CLCN3: variants seen among roughly 807,000 people sequenced by gnomAD.
The protein encoded by CLCN3 is Cl-/H+ antiporter 3, also known as H(+)/Cl(-) exchange transporter 3.
Under a neutral mutation model 83.4 loss-of-function variants are expected in CLCN3, and 16 were observed. That is an observed-to-expected ratio of 0.19 (90% CI 0.13 to 0.29). The LOEUF is 0.29. Ranked by LOEUF, CLCN3 falls within the 10% of genes least tolerant of loss-of-function variation. The probability of loss-of-function intolerance (pLI) is 1.00; values close to 1 mark genes in which losing one functional copy is unlikely to be tolerated. For missense variants in CLCN3, 544 were observed against 1,006.0 expected (o/e 0.54, Z 6.21); for synonymous variants, 322 against 346.2 (o/e 0.93, Z 0.78).
chr4:169,719,235 G>A (rs1386149063), intron 12 of CLCN3, among the ~76,000 whole-genome samples: 1 of 152,236 alleles, frequency 6.6e-6, no homozygotes, highest in African/African-American at 2.4e-5. Flanking sequence ...GGGAGGCCGG[G>A]ACGGGTGGAT....
Position 169,720,007 on chromosome 4 carries a change from A to T in CLCN3, c.*10A>T, listed in dbSNP as rs1733572702. The T allele has an allele frequency of 6.2e-7, 1 of 1,613,090 alleles. No individual in the cohort carries two copies. The highest frequency in any genetic ancestry group is 8.5e-7 in the Non-Finnish European group (1 of 1,179,162). On this transcript the variant is annotated 3_prime_UTR_variant, in exon 13 of 13. Coordinates refer to ENST00000513761, the MANE Select transcript of CLCN3 (RefSeq NM_001829.4). Reference sequence around the variant, plus strand: ...AATAATGTTCAACTGAATCTCACAGATGAGGAGAGAGAAGAAACGGAAGAG... The same window carrying T: ...AATAATGTTCAACTGAATCTCACAGTTGAGGAGAGAGAAGAAACGGAAGAG...
chr4:169,658,521 A>T (rs1008573748), intron 2 of CLCN3, among the ~76,000 whole-genome samples: 19 of 152,076 alleles, frequency 1.2e-4, no homozygotes, highest in African/African-American at 3.4e-4. Context: ...TCCTTTATAA[A>T]TGCCATACAA....
At chr4:169,693,938 A>G (rs1231042052) in intron 7 of CLCN3, among the ~76,000 whole-genome samples, 1 of 152,210 alleles carries the variant, frequency 6.6e-6, no homozygotes, top group East Asian at 1.9e-4. Flanking sequence ...TTTTGTGTAG[A>G]CAAGAGGGGA....
chr4:169,651,149 AATT>A (rs1730720779), intron 2 of CLCN3, among the ~76,000 whole-genome samples: 2 of 148,488 alleles, frequency 1.3e-5, no homozygotes, highest in African/African-American at 2.4e-5. Flanking sequence ...TTACCACCTT[AATT>A]ATTGTCATTG....
intron 3 of CLCN3, 39 bp downstream of exon 3, chr4:169,680,246 A>C (rs771508959): frequency 7.0e-7 from 1 of 1,426,646 alleles, no homozygotes; most frequent in Non-Finnish European, 9.7e-7. Flanking sequence ...AACATAGTGC[A>C]TAATTAGATC....
rs1200192466 is a variant in CLCN3 at position 169,720,021 on chromosome 4, G to T, written c.*24G>T. 6.2e-7 allele frequency: 1 copy of T among 1,613,474 alleles called. No individual in the cohort carries two copies. The highest frequency in any genetic ancestry group is 2.2e-5 in the East Asian group (1 of 44,874). ...GAATCTCACAGATGAGGAGAGAGAA[G>T]AAACGGAAGAGGAAGTTTATTTGTT... On this transcript the variant is annotated 3_prime_UTR_variant, in exon 13 of 13. Coordinates refer to ENST00000513761, the MANE Select transcript of CLCN3 (RefSeq NM_001829.4).
At chr4:169,710,931 C>T (rs1303444660) in intron 11 of CLCN3, among the ~76,000 whole-genome samples, 2 of 152,150 alleles carry the variant, frequency 1.3e-5, no homozygotes, top group African/African-American at 2.4e-5. Context: ...TGGGCTTCAG[C>T]AATCCCCTCC....
chr4:169,680,645 G>A (rs577935769), intron 3 of CLCN3: 125 of 153,046 alleles, frequency 8.2e-4, no homozygotes, highest in Non-Finnish European at 1.6e-3. Flanking sequence ...GTGGGATTTT[G>A]CTGTTTTCTT....
intron 2 of CLCN3, chr4:169,660,019 T>C (rs991823571): frequency 1.7e-5 from 17 of 990,242 alleles, no homozygotes; most frequent in Non-Finnish European, 1.7e-5. Context: ...TTACCACTGA[T>C]GCTACCGAAG....
At chr4:169,657,989 C>A (rs1730936382) in intron 2 of CLCN3, among the ~76,000 whole-genome samples, 1 of 152,102 alleles carries the variant, frequency 6.6e-6, no homozygotes, top group Admixed American at 6.6e-5. Flanking sequence ...AACCTGTGTA[C>A]TGATTCTTTT....
At chr4:169,671,687 G>C (rs1038540859) in intron 2 of CLCN3, among the ~76,000 whole-genome samples, 1 of 152,166 alleles carries the variant, frequency 6.6e-6, no homozygotes, top group East Asian at 1.9e-4. Context: ...ATCGAATCGT[G>C]TTCTCCATGC....
intron 3 of CLCN3, 26 bp downstream of exon 3, chr4:169,680,233 A>T: frequency 6.4e-7 from 1 of 1,555,440 alleles, no homozygotes; most frequent in Non-Finnish European, 8.8e-7. Flanking sequence ...AAAAATTTTT[A>T]AAAACATAGT....
At chr4:169,662,285 T>A (rs1560841982) in intron 2 of CLCN3, among the ~76,000 whole-genome samples, 1 of 152,202 alleles carries the variant, frequency 6.6e-6, no homozygotes, top group Non-Finnish European at 1.5e-5. Context: ...ATGAGACTTA[T>A]TCTATTAATA....
intron 1 of CLCN3, among the ~76,000 whole-genome samples, chr4:169,626,098 G>A (rs930963170): frequency 2.6e-5 from 4 of 152,194 alleles, no homozygotes; most frequent in African/African-American, 9.6e-5. Context: ...GATAACACTG[G>A]CTATAAATCA....
intron 1 of CLCN3, among the ~76,000 whole-genome samples, chr4:169,626,775 C>T (rs1026310187): frequency 2.0e-5 from 3 of 152,052 alleles, no homozygotes; most frequent in South Asian, 2.1e-4. Flanking sequence ...GCCAGGAGTT[C>T]GAGACCAGCC....
In CLCN3 at chr4:169,688,998, A is replaced by G. The variant is rs369061884; in HGVS notation, c.419-45A>G. On this transcript the variant is annotated intron_variant, in intron 4 of 12. Coordinates refer to ENST00000513761, the MANE Select transcript of CLCN3 (RefSeq NM_001829.4). Reference sequence around the variant, plus strand: ...TTAACTAGATTGTTCTCGACTCCCAAAAAATTGACTTAATTTTTTTACCAT... The same window carrying G: ...TTAACTAGATTGTTCTCGACTCCCAGAAAATTGACTTAATTTTTTTACCAT... 1.8e-3 allele frequency: 2,918 copies of G among 1,586,528 alleles called. 6 individuals carry two copies. The highest frequency in any genetic ancestry group is 2.2e-3 in the Non-Finnish European group (2,510 of 1,165,834).
intron 1 of CLCN3, among the ~76,000 whole-genome samples, chr4:169,627,906 TG>T (rs1439086346): frequency 1.3e-5 from 2 of 152,250 alleles, no homozygotes; most frequent in East Asian, 3.8e-4. Flanking sequence ...AGACTTATTA[TG>T]TAGTTACAGT....
chr4:169,717,011 G>A (rs1733446103), intron 12 of CLCN3, among the ~76,000 whole-genome samples: 1 of 152,014 alleles, frequency 6.6e-6, no homozygotes, highest in Non-Finnish European at 1.5e-5. Flanking sequence ...TATAAAACCA[G>A]TAACCATAGT....
chr4:169,636,225 T>G, intron 2 of CLCN3, 137 bp downstream of exon 2: 1 of 756,548 alleles, frequency 1.3e-6, no homozygotes, highest in Non-Finnish European at 2.1e-6. Flanking sequence ...ACTTAACCAT[T>G]GTAAAGTGTG....
Sources: allele counts gnomAD v4.1 joint callset (sites outside exome capture counted in the v4.1 genomes callset), GRCh38; gene constraint gnomAD v4.1.1; transcripts MANE v1.5; gene names NCBI Gene and HGNC (gene_info 2026-07-23, HGNC 2026-07-21).